The following ANKRD17 variants were observed in gnomAD, a reference collection of about 807,000 sequenced individuals.
The protein encoded by ANKRD17 is ankyrin repeat domain-containing protein 17.
In ANKRD17, 19 loss-of-function variants were observed where a neutral mutation model predicts 229.7. That is an observed-to-expected ratio of 0.08 (90% CI 0.06 to 0.12). The LOEUF is 0.12. Ranked by LOEUF, ANKRD17 falls within the 10% of genes least tolerant of loss-of-function variation. ANKRD17 has a pLI of 1.00. For synonymous variants in ANKRD17, 1,112 were observed against 1,146.1 expected, an observed-to-expected ratio of 0.97 and a Z score of 0.60; for missense variants, 2,176 against 3,176.8, an observed-to-expected ratio of 0.68 and a Z score of 7.57.
chr4:73,155,796 G>A lies in ANKRD17; in HGVS notation c.853-18C>T. On this transcript the variant is annotated intron_variant, in intron 4 of 33. Transcript: ENST00000358602. The stretch of plus-strand genomic sequence containing the variant: ...AACAAAACCTTATGAGAGAAAAATA[G>A]TTTAAAAAGATATTAGGAAATAATC... The A allele has an allele frequency of 6.2e-7, 1 of 1,610,232 alleles. No individual in the cohort carries two copies. The highest frequency in any genetic ancestry group is 1.7e-4 in the Middle Eastern group (1 of 6,044).
intron 1 of ANKRD17, among the ~76,000 whole-genome samples, chr4:73,241,365 G>A (rs1313135211): frequency 1.3e-5 from 2 of 151,918 alleles, no homozygotes; most frequent in African/African-American, 2.4e-5. Flanking sequence ...CAACCCAAAC[G>A]GTCCATTAAC....
intron 1 of ANKRD17, among the ~76,000 whole-genome samples, chr4:73,246,644 G>A (rs1744529236): frequency 6.6e-6 from 1 of 152,100 alleles, no homozygotes; most frequent in African/African-American, 2.4e-5. Flanking sequence ...ATCTAAATGA[G>A]ACCAGACACA....
intron 1 of ANKRD17, among the ~76,000 whole-genome samples, chr4:73,236,362 C>T (rs988455905): frequency 6.6e-6 from 1 of 152,044 alleles, no homozygotes; most frequent in Non-Finnish European, 1.5e-5. Flanking sequence ...CTATGTTGAC[C>T]AGGAGAGTCT....
intron 1 of ANKRD17, chr4:73,223,132 C>A: frequency 1.5e-6 from 2 of 1,302,718 alleles, no homozygotes; most frequent in South Asian, 2.6e-5. Context: ...TGTTCTATTA[C>A]ATGCCTAAAG....
chr4:73,242,483 A>G (rs947467696), intron 1 of ANKRD17, among the ~76,000 whole-genome samples: 4 of 152,224 alleles, frequency 2.6e-5, no homozygotes, highest in African/African-American at 9.6e-5. Flanking sequence ...ATACATAAGT[A>G]TGCCATGTTT....
intron 24 of ANKRD17, among the ~76,000 whole-genome samples, chr4:73,110,570 G>A (rs1725190011): frequency 6.6e-6 from 1 of 152,090 alleles, no homozygotes; most frequent in African/African-American, 2.4e-5. Context: ...TCTCAACTTG[G>A]ACCAGTCAAG....
intron 3 of ANKRD17, among the ~76,000 whole-genome samples, chr4:73,157,856 G>A (rs1167822988): frequency 1.3e-5 from 2 of 152,130 alleles, no homozygotes; most frequent in East Asian, 1.9e-4. Context: ...TTGGGAGGCC[G>A]AGGCGGGCGG....
chr4:73,076,521 C>T (rs561090345), intron 33 of ANKRD17, among the ~76,000 whole-genome samples: 3 of 151,918 alleles, frequency 2.0e-5, no homozygotes, highest in African/African-American at 2.4e-5. Context: ...TATAGATTCA[C>T]GGTTGTGGAA....
chr4:73,199,861 T>C (rs1019274573), intron 1 of ANKRD17, among the ~76,000 whole-genome samples: 1 of 152,202 alleles, frequency 6.6e-6, no homozygotes, highest in African/African-American at 2.4e-5. Flanking sequence ...ATTACATTAG[T>C]ATATGTCCTT....
intron 1 of ANKRD17, among the ~76,000 whole-genome samples, chr4:73,186,127 T>C (rs540330865): frequency 6.6e-6 from 1 of 152,158 alleles, no homozygotes; most frequent in East Asian, 1.9e-4. Context: ...CTTCTGAACA[T>C]GACCCAGAAA....
At chr4:73,083,696 T>G (rs1204249172) in intron 30 of ANKRD17, among the ~76,000 whole-genome samples, 1 of 152,148 alleles carries the variant, frequency 6.6e-6, no homozygotes, top group Admixed American at 6.5e-5. Flanking sequence ...ATTCCAGCAC[T>G]TTGGGAGCTG....
intron 1 of ANKRD17, among the ~76,000 whole-genome samples, chr4:73,214,403 G>C (rs961863206): frequency 6.6e-6 from 1 of 152,172 alleles, no homozygotes; most frequent in African/African-American, 2.4e-5. Flanking sequence ...TGCAAGTGTG[G>C]TCCATGGGAT....
In ANKRD17 at chr4:73,098,091, G is replaced by A; in HGVS notation, c.5003C>T (p.Ser1668Phe). Residue 1668 changes from serine (S) to phenylalanine (F), a missense_variant, in exon 26 of 34, where the codon TCT becomes TTT. By Grantham distance (155) the Ser-to-Phe change is radical. Transcript: ENST00000358602. Reference sequence around the variant, plus strand: ...AACTAACTTTATTGAAGCCTTGCCAGAAACAGATTTTCTCTCTTCCTTTGG... The same window carrying A: ...AACTAACTTTATTGAAGCCTTGCCAAAAACAGATTTTCTCTCTTCCTTTGG... ...TFPKEERKSV[S>F]GKASIKLSET... The A allele has an allele frequency of 6.3e-7, 1 of 1,599,878 alleles. No individual in the cohort carries two copies. Among genetic ancestry groups the A allele is most frequent in the Non-Finnish European group, 8.5e-7 (1 of 1,170,534 alleles).
At chr4:73,182,092 AT>A (rs1735656473) in intron 1 of ANKRD17, among the ~76,000 whole-genome samples, 2 of 133,868 alleles carry the variant, frequency 1.5e-5, no homozygotes, top group African/African-American at 2.8e-5. Flanking sequence ...AAAAAAAAAA[AT>A]TTAAAAGAAA....
At chr4:73,245,867 G>T (rs577644589) in intron 1 of ANKRD17, among the ~76,000 whole-genome samples, 1 of 152,090 alleles carries the variant, frequency 6.6e-6, no homozygotes, top group East Asian at 1.9e-4. Context: ...ACATAGTCCC[G>T]ATCTAAGAAA....
intron 1 of ANKRD17, among the ~76,000 whole-genome samples, chr4:73,243,781 G>T (rs774952632): frequency 5.3e-5 from 8 of 152,204 alleles, no homozygotes; most frequent in Non-Finnish European, 1.2e-4. Flanking sequence ...ATATGGCTGC[G>T]TAAGAAATTT....
intron 1 of ANKRD17, among the ~76,000 whole-genome samples, chr4:73,186,179 T>C (rs1450732924): frequency 6.6e-6 from 1 of 151,998 alleles, no homozygotes; most frequent in Admixed American, 6.5e-5. Context: ...TAAATAAGGG[T>C]AAACTTTGAT....
chr4:73,095,308 G>A (rs1057334843), intron 27 of ANKRD17, among the ~76,000 whole-genome samples: 1 of 151,150 alleles, frequency 6.6e-6, no homozygotes, highest in African/African-American at 2.4e-5. Flanking sequence ...AATTTAAAAA[G>A]CAAAATCTGA....
chr4:73,177,576 C>A, intron 1 of ANKRD17, 43 bp from the exon 2 acceptor site: 1 of 1,480,136 alleles, frequency 6.8e-7, no homozygotes, highest in Non-Finnish European at 9.3e-7. Context: ...GAGAAATGAA[C>A]AGCGAAAGGA....
Sources: gnomAD v4.1 joint callset for allele counts (sites outside exome capture counted in the v4.1 genomes callset) on GRCh38, gnomAD v4.1.1 for gene constraint, MANE v1.5 for transcripts, NCBI Gene and HGNC (gene_info 2026-07-23, HGNC 2026-07-21) for gene names.